PPA2: variants seen among roughly 807,000 people sequenced by gnomAD.
The protein encoded by PPA2 is inorganic pyrophosphatase 2.
A neutral mutation model predicts 49.5 loss-of-function variants in PPA2; 48 were observed. The observed-to-expected ratio is 0.97, with a 90% CI of 0.77 to 1.23. The LOEUF (loss-of-function observed/expected upper bound fraction) is 1.23. Ranked by LOEUF, PPA2 falls within the 50% of genes most tolerant of loss-of-function variation. PPA2 has a pLI of 0.00. For missense variants in PPA2, 429 were observed against 410.1 expected (o/e 1.05, Z -0.40); for synonymous variants, 131 against 139.9 (o/e 0.94, Z 0.45).
intron 6 of PPA2, 83 bp downstream of exon 6, chr4:105,437,867 G>T: frequency 2.0e-6 from 2 of 1,007,556 alleles, no homozygotes; most frequent in Non-Finnish European, 2.9e-6. Flanking sequence ...CTGAAGAGTT[G>T]AAGAACTAGA....
intron 10 of PPA2, among the ~76,000 whole-genome samples, chr4:105,379,003 A>G (rs1666769081): frequency 6.6e-6 from 1 of 152,226 alleles, no homozygotes. Context: ...ATTTATTTAT[A>G]TCAGCTTGTT....
chr4:105,468,421 CA>C (rs1193043023), intron 1 of PPA2, among the ~76,000 whole-genome samples: 1 of 151,772 alleles, frequency 6.6e-6, no homozygotes, highest in Non-Finnish European at 1.5e-5. Flanking sequence ...CTGGGAAAGA[CA>C]AAAAAAGTGT....
chr4:105,447,736 CTTTTTTT>C (rs5860798), intron 4 of PPA2, among the ~76,000 whole-genome samples: 2 of 137,206 alleles, frequency 1.5e-5, no homozygotes, highest in African/African-American at 2.7e-5. Context: ...TTTCTTTTTT[CTTTTTTT>C]TTTTTTTTGA....
At chr4:105,405,927 T>C (rs1425258442) in intron 7 of PPA2, 6 of 435,226 alleles carry the variant, frequency 1.4e-5, no homozygotes, top group South Asian at 9.8e-5. Context: ...ATTTATTGTA[T>C]ATACTGGAAT....
chr4:105,452,959 A>G (rs1373559232), intron 3 of PPA2, among the ~76,000 whole-genome samples: 3 of 152,156 alleles, frequency 2.0e-5, no homozygotes, highest in African/African-American at 4.8e-5. Context: ...TACGGTTGGT[A>G]TAAGTGTTTT....
chr4:105,397,289 G>A (rs1026139857), intron 8 of PPA2, among the ~76,000 whole-genome samples: 1 of 152,170 alleles, frequency 6.6e-6, no homozygotes, highest in African/African-American at 2.4e-5. Context: ...TCGGGTCTAC[G>A]ATTGCCTGCG....
intron 6 of PPA2, among the ~76,000 whole-genome samples, chr4:105,428,865 A>C (rs1238005739): frequency 6.6e-6 from 1 of 152,210 alleles, no homozygotes; most frequent in Non-Finnish European, 1.5e-5. Context: ...AATGGAAGAA[A>C]CCATGAACAA....
intron 1 of PPA2, among the ~76,000 whole-genome samples, chr4:105,470,868 A>C (rs1723495436): frequency 6.6e-6 from 1 of 152,224 alleles, no homozygotes; most frequent in Non-Finnish European, 1.5e-5. Flanking sequence ...CCAAGACGGT[A>C]AAGTCAGGAC....
chr4:105,407,326 A>T (rs1489086109), intron 7 of PPA2, among the ~76,000 whole-genome samples: 1 of 152,226 alleles, frequency 6.6e-6, no homozygotes, highest in East Asian at 1.9e-4. Flanking sequence ...GTTATTTAAG[A>T]CAATCTGTAA....
At chr4:105,388,101 A>G (rs1005238985) in intron 9 of PPA2, among the ~76,000 whole-genome samples, 4 of 152,230 alleles carry the variant, frequency 2.6e-5, no homozygotes, top group African/African-American at 7.2e-5. Flanking sequence ...TATAGTTGCC[A>G]TATAAAATAC....
intron 10 of PPA2, among the ~76,000 whole-genome samples, chr4:105,376,420 C>CT (rs1560602578): frequency 6.6e-6 from 1 of 152,126 alleles, no homozygotes; most frequent in African/African-American, 2.4e-5. Flanking sequence ...TCCCCCTTGA[C>CT]TTTTTTACTT....
chr4:105,394,351 G>T (rs1734045116), intron 9 of PPA2, among the ~76,000 whole-genome samples: 1 of 116,862 alleles, frequency 8.6e-6, no homozygotes, highest in Admixed American at 1.2e-4. Context: ...TCCAACTTGG[G>T]CAATAGAGCA....
At chr4:105,473,686 G>T in intron 1 of PPA2, 1 of 842,546 alleles carries the variant, frequency 1.2e-6, no homozygotes, top group South Asian at 1.3e-5. Flanking sequence ...CCGCTTTGGG[G>T]TCTTGATCCG....
intron 1 of PPA2, among the ~76,000 whole-genome samples, chr4:105,461,222 T>C (rs1228056144): frequency 1.3e-5 from 2 of 152,218 alleles, no homozygotes; most frequent in African/African-American, 2.4e-5. Context: ...CATAAAGGGC[T>C]GCAACCTGCA....
chr4:105,429,443 G>A (rs922433810), intron 6 of PPA2, among the ~76,000 whole-genome samples: 6 of 152,050 alleles, frequency 3.9e-5, no homozygotes, highest in African/African-American at 1.5e-4. Context: ...TCATATAATG[G>A]TCAATATTCC....
chr4:105,418,323 A>T (rs575774655), intron 7 of PPA2, among the ~76,000 whole-genome samples: 21 of 152,354 alleles, frequency 1.4e-4, no homozygotes, highest in African/African-American at 5.1e-4. Flanking sequence ...GAAATCAAAC[A>T]CTACATTAAT....
At chr4:105,457,890 C>T (rs1440397544) in intron 1 of PPA2, among the ~76,000 whole-genome samples, 1 of 152,146 alleles carries the variant, frequency 6.6e-6, no homozygotes, top group Non-Finnish European at 1.5e-5. Flanking sequence ...AAATGCCATT[C>T]TCCAATAAAA....
chr4:105,452,816 C>T (rs1722725874), intron 3 of PPA2, among the ~76,000 whole-genome samples: 1 of 151,878 alleles, frequency 6.6e-6, no homozygotes, highest in African/African-American at 2.4e-5. Flanking sequence ...TGTTCTGGTC[C>T]TAAGTCAAGA....
intron 6 of PPA2, among the ~76,000 whole-genome samples, chr4:105,426,587 G>A (rs1232062103): frequency 1.3e-5 from 2 of 152,346 alleles, no homozygotes; most frequent in Non-Finnish European, 2.9e-5. Flanking sequence ...CACTGCTAGC[G>A]CAGCAGTCTG....
Sources: allele counts gnomAD v4.1 joint callset (sites outside exome capture counted in the v4.1 genomes callset), GRCh38; gene constraint gnomAD v4.1.1; transcripts MANE v1.5; gene names NCBI Gene and HGNC (gene_info 2026-07-23, HGNC 2026-07-21).